DHX16: variants seen among roughly 807,000 people sequenced by gnomAD.
The protein encoded by DHX16 is DEAH-box helicase 16, also known as pre-mRNA-splicing factor ATP-dependent RNA helicase DHX16.
DHX16 carries 81 observed loss-of-function variants against 131.2 expected under a neutral mutation model. The observed-to-expected ratio is 0.62, with a 90% CI of 0.52 to 0.74. DHX16 has a LOEUF of 0.74. DHX16 is among the 30% of genes least tolerant of loss of function. The pLI, the probability that DHX16 is intolerant of heterozygous loss-of-function variation, is 0.00. For missense variants in DHX16, 980 were observed against 1,363.1 expected (o/e 0.72, Z 4.43); for synonymous variants, 440 against 520.2 (o/e 0.85, Z 2.10).
chr6:30,654,119 AAAAAG>A (rs1423159829), intron 19 of DHX16, among the ~76,000 whole-genome samples: 12 of 152,254 alleles, frequency 7.9e-5, no homozygotes, highest in Admixed American at 4.6e-4. Context: ...AACTCTCAAA[AAAAAG>A]AAAAGCCTAG....
At chr6:30,658,436 G>T (rs1400677742) in intron 12 of DHX16, among the ~76,000 whole-genome samples, 1 of 151,918 alleles carries the variant, frequency 6.6e-6, no homozygotes, top group Non-Finnish European at 1.5e-5. Context: ...CCCAGCTACT[G>T]GGGGGCTGAG....
intron 9 of DHX16, chr6:30,661,664 T>C (rs1233632942): frequency 1.4e-6 from 1 of 697,048 alleles, no homozygotes; most frequent in Non-Finnish European, 2.7e-6. Flanking sequence ...TTTCTCTTTG[T>C]TCTTTGGCTT....
intron 4 of DHX16, among the ~76,000 whole-genome samples, chr6:30,666,857 T>C (rs1162935265): frequency 6.6e-6 from 1 of 152,168 alleles, no homozygotes; most frequent in Non-Finnish European, 1.5e-5. Flanking sequence ...CCTGGTTCTA[T>C]TTAGTTGTTT....
rs778075526 is a variant in DHX16, at chr6:30,665,764, T to A, written c.667-31A>T. 7 of 1,593,516 alleles carry A rather than the reference T, an allele frequency of 4.4e-6. No homozygotes were observed. The highest frequency in any genetic ancestry group is 3.4e-5 in the Admixed American group (2 of 58,930). ...TTGGGAAAGGACAGTCGAATCCTCATCTTGCTGGAGGAGCAACCCCTTTCT... is the reference window on the plus strand; with the variant it reads ...TTGGGAAAGGACAGTCGAATCCTCAACTTGCTGGAGGAGCAACCCCTTTCT... On this transcript the variant is annotated intron_variant, in intron 4 of 19. Coordinates refer to ENST00000376442, the MANE Select transcript of DHX16 (RefSeq NM_003587.5). The surrounding 1 kb of genome is among the most constrained non-coding windows in gnomAD (Gnocchi z 4.8).
intron 12 of DHX16, among the ~76,000 whole-genome samples, chr6:30,657,581 T>A (rs1426913042): frequency 2.0e-5 from 3 of 151,986 alleles, no homozygotes; most frequent in African/African-American, 7.3e-5. Flanking sequence ...AAAGCCTGGA[T>A]CACCTACCCC....
In DHX16 at chr6:30,656,124, C is replaced by T. The variant is rs1191112850; in HGVS notation, c.2498+74G>A. On this transcript the variant is annotated intron_variant, in intron 16 of 19. Coordinates refer to ENST00000376442, the MANE Select transcript of DHX16 (RefSeq NM_003587.5). This position sits in a 1 kb window ranked among gnomAD's most constrained non-coding sequence, Gnocchi z 5.1. ...AGTATGATGAACAGAAAAAGACAGACAAAGGGGACCCTGGAGACAGAGGAG... is the reference window on the plus strand; with the variant it reads ...AGTATGATGAACAGAAAAAGACAGATAAAGGGGACCCTGGAGACAGAGGAG... 2 of 1,431,548 alleles carry T rather than the reference C, an allele frequency of 1.4e-6. No homozygotes were observed. Among genetic ancestry groups the T allele is most frequent in the Admixed American group, 1.7e-5 (1 of 59,494 alleles). The allele number at this position is 1,431,548 out of a possible 1,614,324, so 88.7% of individuals were successfully genotyped here.
chr6:30,671,724 G>A (rs1769574181), intron 1 of DHX16, among the ~76,000 whole-genome samples: 1 of 151,988 alleles, frequency 6.6e-6, no homozygotes, highest in Admixed American at 6.6e-5. Flanking sequence ...TCATCATCCT[G>A]AATGGGGTTT....
chr6:30,672,618 C>A lies in DHX16; in HGVS notation c.207+17G>T. On this transcript the variant is annotated intron_variant, in intron 1 of 19. Transcript: ENST00000376442. ...ACCGGGACAAATCACAGGGCCCCTC[C>A]CCACCCCTGCCGACACCTTGTTCCA... 1 of 1,601,264 alleles carries A rather than the reference C, an allele frequency of 6.2e-7. No homozygotes were observed. The highest frequency in any genetic ancestry group is 1.1e-5 in the South Asian group (1 of 90,786).
Position 30,665,203 on chromosome 6 carries a change from C to G in DHX16, c.993G>C (p.Glu331Asp). Reference sequence around the variant, plus strand: ...TCAGGGACGCTGCCCCAAGCCGCGCCTCCTCCCAGCGCCGCTGCTCCTCCC... The same window carrying G: ...TCAGGGACGCTGCCCCAAGCCGCGCGTCCTCCCAGCGCCGCTGCTCCTCCC... ...APGEEQRRWE[E>D]ARLGAASLKF... The change falls in exon 6 of 20, where the codon GAG (glutamate) becomes GAC (aspartate). Residue 331 changes from glutamate to aspartate, a missense_variant. Glu to Asp is a conservative substitution (Grantham distance 45). Coordinates refer to ENST00000376442, the MANE Select transcript of DHX16 (RefSeq NM_003587.5). This position sits in a 1 kb window ranked among gnomAD's most constrained non-coding sequence, Gnocchi z 4.8. The G allele has an allele frequency of 6.2e-7, 1 of 1,609,242 alleles. No homozygotes were observed. The highest frequency in any genetic ancestry group is 8.5e-7 in the Non-Finnish European group (1 of 1,179,840).
chr6:30,668,162 GTACT>G (rs1769211324), intron 4 of DHX16, among the ~76,000 whole-genome samples: 1 of 152,098 alleles, frequency 6.6e-6, no homozygotes, highest in Non-Finnish European at 1.5e-5. Flanking sequence ...ACACACTGAT[GTACT>G]TAGAGATAAA....
chr6:30,655,350 TAAA>T lies in DHX16; in HGVS notation c.2662-17_2662-15del. 1.9e-6 allele frequency: 3 copies of T among 1,613,762 alleles called. No homozygotes were observed. The highest frequency in any genetic ancestry group is 2.5e-6 in the Non-Finnish European group (3 of 1,179,758). On this transcript the variant is annotated splice_polypyrimidine_tract_variant and intron_variant, in intron 17 of 19. Coordinates refer to ENST00000376442, the MANE Select transcript of DHX16 (RefSeq NM_003587.5). Reference sequence around the variant, plus strand: ...ACTCTCAGCCCACTGGGAAGACAGTTAAAAAGAAAGGAGAGATAATTAAGTATA... The same window carrying T: ...ACTCTCAGCCCACTGGGAAGACAGTTAAGAAAGGAGAGATAATTAAGTATA...
chr6:30,660,112 G>A lies in DHX16; in HGVS notation c.1675C>T (p.Arg559Cys), dbSNP rs771594572. ...GCGTCATCAAAGAAGGTGGAAAAAC[G>A]GGCAGTGTCCATTGTGGCTGAAGCC... The part of the protein sequence containing the change: ...LVASATMDTA[R>C]FSTFFDDAPV... The change falls in exon 10 of 20, where the codon CGT becomes TGT. Residue 559 changes from arginine to cysteine, a missense_variant. By Grantham distance (180) the Arg-to-Cys change is radical (BLOSUM62 -3). Coordinates refer to ENST00000376442, the MANE Select transcript of DHX16 (RefSeq NM_003587.5). The A allele has an allele frequency of 8.1e-6, 13 of 1,612,292 alleles. No individual in the cohort carries two copies. The highest frequency in any genetic ancestry group is 4.0e-5 in the African/African-American group (3 of 74,908).
chr6:30,665,146 C>A lies in DHX16; in HGVS notation c.1050G>T (p.Glu350Asp). The A allele has an allele frequency of 6.2e-7, 1 of 1,613,828 alleles. No individual in the cohort carries two copies. Among genetic ancestry groups the A allele is most frequent in the South Asian group, 1.1e-5 (1 of 91,034 alleles). ...CCTCCAGCACCAGTTGATACTTGGGCTCCTGAGAGGCAGCATCTCGGGCCC... is the reference window on the plus strand; with the variant it reads ...CCTCCAGCACCAGTTGATACTTGGGATCCTGAGAGGCAGCATCTCGGGCCC... ...KFGARDAASQ[E>D]PKYQLVLEEE... The change falls in exon 6 of 20, where the codon GAG becomes GAT. Residue 350 changes from glutamate (E) to aspartate (D), a missense_variant. Glu to Asp is a conservative substitution (Grantham distance 45). This residue lies in a region of DHX16 where 457 missense variants were observed against 554.8 expected (regional missense o/e 0.82). Coordinates refer to ENST00000376442, the MANE Select transcript of DHX16 (RefSeq NM_003587.5). This position sits in a 1 kb window ranked among gnomAD's most constrained non-coding sequence, Gnocchi z 4.8.
chr6:30,665,097 G>A lies in DHX16; in HGVS notation c.1099C>T (p.Arg367Trp), dbSNP rs763244622. 12 of 1,613,716 alleles carry A rather than the reference G, an allele frequency of 7.4e-6. No homozygotes were observed. The highest frequency in any genetic ancestry group is 6.7e-5 in the African/African-American group (5 of 74,828). ...LEEEETIEFV[R>W]ATQLQGDEEP... The stretch of plus-strand genomic sequence containing the variant: ...TCATCACCCTGGAGCTGAGTGGCCC[G>A]GACAAACTCAATGGTCTCCTCCTCC... The change falls in exon 6 of 20, where the codon CGG becomes TGG. Residue 367 changes from arginine to tryptophan, a missense_variant. Arg to Trp is a moderately radical substitution (Grantham distance 101, BLOSUM62 -3). Around this residue, in one of 3 missense-constraint regions of DHX16, gnomAD observed 457 missense variants for 554.8 expected, o/e 0.82. Coordinates refer to ENST00000376442, the MANE Select transcript of DHX16 (RefSeq NM_003587.5). The surrounding 1 kb of genome is among the most constrained non-coding windows in gnomAD (Gnocchi z 4.8).
rs994013274 is a variant in DHX16, at chr6:30,662,549, C to T, written c.1544+78G>A. The T allele has an allele frequency of 1.6e-5, 20 of 1,233,488 alleles. No individual in the cohort carries two copies. Among genetic ancestry groups the T allele is most frequent in the East Asian group, 1.2e-4 (5 of 42,074 alleles). The allele number at this position is 1,233,488 out of a possible 1,614,324, so 76.4% of individuals were successfully genotyped here. On this transcript the variant is annotated intron_variant, in intron 9 of 19. Transcript: ENST00000376442. This position sits in a 1 kb window ranked among gnomAD's most constrained non-coding sequence, Gnocchi z 4.7. ...CATTTGAACCACAAAGATTCAAGAA[C>T]GGGTGGATTAATCAGAAGACAATGG... is the stretch of plus-strand genomic sequence containing the variant.
rs767254735 is a variant in DHX16 at position 30,672,747 on chromosome 6, C to A, written c.95G>T (p.Gly32Val). 3.7e-5 allele frequency: 59 copies of A among 1,612,974 alleles called. No individual in the cohort carries two copies. The highest frequency in any genetic ancestry group is 1.7e-5 in the Admixed American group (1 of 60,006). The stretch of plus-strand genomic sequence containing the variant: ...GGCAGAGGTGCAGCGCTGTGCGGTA[C>A]CGATCAGAAACTGGGCGACGTGCCG... ...SERHVAQFLI[G>V]TAQRCTSAEE... Residue 32 changes from glycine (G) to valine (V), a missense_variant, in exon 1 of 20, where the codon GGT becomes GTT. By Grantham distance (109) the Gly-to-Val change is moderately radical (BLOSUM62 -3). Around this residue, in one of 3 missense-constraint regions of DHX16, gnomAD observed 457 missense variants for 554.8 expected, o/e 0.82. Coordinates refer to ENST00000376442, the MANE Select transcript of DHX16 (RefSeq NM_003587.5).
chr6:30,667,956 A>C (rs1169216334), intron 4 of DHX16, among the ~76,000 whole-genome samples: 1 of 152,204 alleles, frequency 6.6e-6, no homozygotes, highest in African/African-American at 2.4e-5. Flanking sequence ...CTTAACATCT[A>C]AGACCCAAAT....
At chr6:30,667,383 C>A (rs1278150200) in intron 4 of DHX16, among the ~76,000 whole-genome samples, 12 of 151,994 alleles carry the variant, frequency 7.9e-5, no homozygotes, top group Admixed American at 5.2e-4. Flanking sequence ...GAGATCGAGA[C>A]CATCCTGGCT....
In DHX16 at chr6:30,662,575, C is replaced by T; in HGVS notation, c.1544+52G>A. 6.8e-7 allele frequency: 1 copy of T among 1,474,422 alleles called. No individual in the cohort carries two copies. The highest frequency in any genetic ancestry group is 2.3e-5 in the East Asian group (1 of 44,106). 91.3% of individuals were successfully genotyped at this position (1,474,422 alleles called of 1,614,324 possible). ...GGGTGGATTAATCAGAAGACAATGG[C>T]TGAATTGGCTGGGTGGGAAGAAGGG... On this transcript the variant is annotated intron_variant, in intron 9 of 19. Coordinates refer to ENST00000376442, the MANE Select transcript of DHX16 (RefSeq NM_003587.5). This position sits in a 1 kb window ranked among gnomAD's most constrained non-coding sequence, Gnocchi z 4.7.
Sources: gnomAD v4.1 joint callset for allele counts (sites outside exome capture counted in the v4.1 genomes callset) on GRCh38, gnomAD v4.1.1 for gene constraint, gnomAD v4.1.1 regional missense constraint, Gnocchi (gnomAD v3.1) non-coding constraint, MANE v1.5 for transcripts, NCBI Gene and HGNC (gene_info 2026-07-23, HGNC 2026-07-21) for gene names.